Variants in CD109 observed in about 807,000 individuals in gnomAD.
CD109 encodes CD109 molecule.
Under a neutral mutation model 165.8 loss-of-function variants are expected in CD109, and 149 were observed. The ratio of observed to expected loss-of-function variants is 0.90; its 90% confidence interval spans 0.79 to 1.03. The LOEUF is 1.03. Among genes scored for constraint, CD109 ranks in the 50% least tolerant of loss-of-function variants. CD109 has a pLI of 0.00. For synonymous variants in CD109, 585 were observed against 592.1 expected (o/e 0.99, Z 0.18); for missense variants, 1,712 against 1,677.8 (o/e 1.02, Z -0.36).
chr6:73,708,265 T>TG (rs1314173513), intron 2 of CD109, among the ~76,000 whole-genome samples: 1 of 152,042 alleles, frequency 6.6e-6, no homozygotes, highest in African/African-American at 2.4e-5. Flanking sequence ...TTTTTGTCCT[T>TG]GCGATAGTTT....
At chr6:73,718,855 G>T (rs1771841054) in intron 2 of CD109, among the ~76,000 whole-genome samples, 1 of 152,120 alleles carries the variant, frequency 6.6e-6, no homozygotes, top group African/African-American at 2.4e-5. Context: ...CTAAAAAATT[G>T]TATTCTGTCT....
chr6:73,771,528 G>C lies in CD109; in HGVS notation c.1774G>C (p.Val592Leu). The stretch of plus-strand genomic sequence containing the variant: ...TGACTCCATAGTTGGGATTGTAGCT[G>C]TTGACAAAAGTGTGAATCTGATGAA... ...QPDSIVGIVA[V>L]DKSVNLMNAS... is the part of the protein sequence containing the mutation. Residue 592 changes from valine (V) to leucine (L), a missense_variant, in exon 15 of 33, where the codon GTT (valine) becomes CTT (leucine). Val to Leu is a conservative substitution (Grantham distance 32, BLOSUM62 1). Coordinates refer to ENST00000287097, the MANE Select transcript of CD109 (RefSeq NM_133493.5). The C allele has an allele frequency of 6.2e-7, 1 of 1,609,546 alleles. No individual in the cohort carries two copies. Among genetic ancestry groups the C allele is most frequent in the Non-Finnish European group, 8.5e-7 (1 of 1,178,292 alleles).
intron 30 of CD109, among the ~76,000 whole-genome samples, chr6:73,817,467 A>G (rs958117517): frequency 6.6e-6 from 1 of 152,180 alleles, no homozygotes; most frequent in Non-Finnish European, 1.5e-5. Flanking sequence ...TGAAGTCAGC[A>G]GTTGTACTGT....
intron 2 of CD109, among the ~76,000 whole-genome samples, chr6:73,704,541 C>G (rs902681912): frequency 6.6e-5 from 10 of 152,170 alleles, no homozygotes; most frequent in African/African-American, 2.4e-4. Context: ...TGTGCTGCTC[C>G]TCTTCTAGCA....
chr6:73,758,900 G>A lies in CD109; in HGVS notation c.674-44G>A, dbSNP rs143388686. ...TTAAAAGATTTACCCTTGCTTCTTC[G>A]TCTCAAAAAGAAAAAAAGATTTACC... On this transcript the variant is annotated intron_variant, in intron 6 of 32. Coordinates refer to ENST00000287097, the MANE Select transcript of CD109 (RefSeq NM_133493.5). 143 of 1,020,196 alleles carry A rather than the reference G, an allele frequency of 1.4e-4. 1 individual carries two copies. In the East Asian group the frequency reaches 1.8e-3, roughly 13 times the overall value. 63.2% of individuals were successfully genotyped at this position (1,020,196 alleles called of 1,614,324 possible). A position where few individuals can be genotyped will look rare whatever the true frequency, so the allele number is the denominator to read the frequency against.
At chr6:73,746,580 T>C (rs1772990711) in intron 5 of CD109, among the ~76,000 whole-genome samples, 1 of 152,204 alleles carries the variant, frequency 6.6e-6, no homozygotes, top group Non-Finnish European at 1.5e-5. Flanking sequence ...AGAATATGTT[T>C]CTAGTTAGTA....
chr6:73,813,436 G>A (rs1174764830), intron 29 of CD109, among the ~76,000 whole-genome samples: 1 of 152,114 alleles, frequency 6.6e-6, no homozygotes, highest in East Asian at 1.9e-4. Flanking sequence ...GAGGCTTGAA[G>A]CACACAGGGG....
At chr6:73,700,825 A>G (rs549804878) in intron 2 of CD109, among the ~76,000 whole-genome samples, 34 of 103,582 alleles carry the variant, frequency 3.3e-4, no homozygotes, top group Admixed American at 6.7e-4. Flanking sequence ...TTTTTGAGAC[A>G]CAGTCTCACT....
intron 24 of CD109, chr6:73,803,853 C>T (rs9442970): frequency 0.29 from 45,051 of 154,440 alleles, 6,671 homozygotes; most frequent in Admixed American, 0.35. Flanking sequence ...AAGATTGACT[C>T]ACTGTATCAA....
rs745912435 is a variant in CD109 at position 73,811,011 on chromosome 6, A to C, written c.3566A>C (p.Lys1189Thr). 15 of 1,613,024 alleles carry C rather than the reference A, an allele frequency of 9.3e-6. No homozygotes were observed. The highest frequency in any genetic ancestry group is 1.3e-5 in the Non-Finnish European group (15 of 1,179,382). ...CAACAGGATACCACTGTGGCTTTAA[A>C]GGCTCTGTCTGAATTTGCAGCCCTA... Reference protein sequence around the residue: ...ASTQDTTVALKALSEFAALMN... With the variant: ...ASTQDTTVALTALSEFAALMN... The change falls in exon 28 of 33, where the codon AAG (lysine) becomes ACG (threonine). Residue 1189 changes from lysine (K) to threonine (T), a missense_variant. Physicochemically the swap from Lys to Thr is moderately conservative, Grantham distance 78. Transcript: ENST00000287097.
At chr6:73,747,282 G>A (rs1481273693) in intron 5 of CD109, among the ~76,000 whole-genome samples, 1 of 152,062 alleles carries the variant, frequency 6.6e-6, no homozygotes, top group Non-Finnish European at 1.5e-5. Flanking sequence ...GAGAAGTACT[G>A]TACTTTAACT....
chr6:73,700,251 A>G (rs534833324), intron 2 of CD109, among the ~76,000 whole-genome samples: 56 of 105,624 alleles, frequency 5.3e-4, no homozygotes, highest in African/African-American at 1.6e-3. Flanking sequence ...CTAGGTTTAA[A>G]ATTTTTTTTT....
chr6:73,704,376 G>A (rs1023712596), intron 2 of CD109, among the ~76,000 whole-genome samples: 7 of 152,246 alleles, frequency 4.6e-5, no homozygotes, highest in Admixed American at 2.6e-4. Flanking sequence ...AAGGCTCCTC[G>A]TGGACTTTCA....
chr6:73,716,898 T>A (rs576981241), intron 2 of CD109, among the ~76,000 whole-genome samples: 1 of 152,336 alleles, frequency 6.6e-6, no homozygotes, highest in Non-Finnish European at 1.5e-5. Flanking sequence ...CTTTTAGTAG[T>A]TTCACAGTTT....
chr6:73,718,624 C>T (rs1771833680), intron 2 of CD109, among the ~76,000 whole-genome samples: 1 of 151,720 alleles, frequency 6.6e-6, no homozygotes, highest in South Asian at 2.1e-4. Flanking sequence ...AGAGCTCAGG[C>T]CCATGAGTCA....
chr6:73,806,302 A>C (rs1775560062), intron 24 of CD109, among the ~76,000 whole-genome samples: 2 of 151,936 alleles, frequency 1.3e-5, no homozygotes, highest in Non-Finnish European at 2.9e-5. Flanking sequence ...CATAGGTGGA[A>C]ATTGAACAAT....
chr6:73,787,747 C>T (rs747231306), intron 21 of CD109, among the ~76,000 whole-genome samples: 2 of 151,788 alleles, frequency 1.3e-5, no homozygotes, highest in Admixed American at 6.6e-5. Flanking sequence ...ACGGCCAAGT[C>T]GATTTGTAGA....
intron 5 of CD109, among the ~76,000 whole-genome samples, chr6:73,743,037 G>A (rs561207895): frequency 1.3e-5 from 2 of 152,284 alleles, no homozygotes; most frequent in South Asian, 4.1e-4. Context: ...TATGGAACTG[G>A]GGACAGGCCA....
At chr6:73,780,706 G>C (rs569699438) in intron 16 of CD109, among the ~76,000 whole-genome samples, 1 of 147,900 alleles carries the variant, frequency 6.8e-6, no homozygotes, top group Non-Finnish European at 1.5e-5. Context: ...AAAGTTAATG[G>C]AATTGACATT....
Sources: gnomAD v4.1 joint callset for allele counts (sites outside exome capture counted in the v4.1 genomes callset) on GRCh38, gnomAD v4.1.1 for gene constraint, MANE v1.5 for transcripts, NCBI Gene and HGNC (gene_info 2026-07-23, HGNC 2026-07-21) for gene names.